EXOC4: variants seen among roughly 807,000 people sequenced by gnomAD.
EXOC4 encodes the protein exocyst complex component 4.
In EXOC4, 71 loss-of-function variants were observed where a neutral mutation model predicts 107.2. That is an observed-to-expected ratio of 0.66 (90% CI 0.55 to 0.81). The LOEUF is 0.81. Among genes scored for constraint, EXOC4 ranks in the 30% least tolerant of loss-of-function variants. The pLI, the probability that EXOC4 is intolerant of heterozygous loss-of-function variation, is 0.00. For missense variants in EXOC4, 1,108 were observed against 1,189.6 expected (o/e 0.93, Z 1.01); for synonymous variants, 456 against 441.2 (o/e 1.03, Z -0.42).
At chr7:134,068,890 G>A (rs1434356046), downstream of EXOC4, among the ~76,000 whole-genome samples, 1 of 152,178 alleles carries the variant, frequency 6.6e-6, no homozygotes, top group African/African-American at 2.4e-5. Context: ...CATTCATTCA[G>A]TCAGTCAAAT....
At chr7:133,932,893 A>AT (rs1289622345) in intron 13 of EXOC4, among the ~76,000 whole-genome samples, 1 of 149,158 alleles carries the variant, frequency 6.7e-6, no homozygotes, top group Non-Finnish European at 1.5e-5. Flanking sequence ...GTGATGAAAG[A>AT]TTTGGGGAAT....
At chr7:133,859,402 G>A (rs1798485790) in intron 11 of EXOC4, among the ~76,000 whole-genome samples, 1 of 152,270 alleles carries the variant, frequency 6.6e-6, no homozygotes, top group Admixed American at 6.5e-5. Flanking sequence ...GGAGCCACTG[G>A]TTCCCGCTGG....
intron 11 of EXOC4, among the ~76,000 whole-genome samples, chr7:133,879,081 T>C (rs1401202690): frequency 1.3e-5 from 2 of 152,132 alleles, no homozygotes; most frequent in African/African-American, 4.8e-5. Context: ...TCAGTTGTTT[T>C]ATTAGGGGCC....
chr7:133,782,822 A>G (rs1435293181), intron 10 of EXOC4, among the ~76,000 whole-genome samples: 7 of 152,196 alleles, frequency 4.6e-5, no homozygotes, highest in Non-Finnish European at 4.4e-5. Context: ...ATTGTGAGGC[A>G]TGTATGGAAA....
chr7:133,719,708 C>T (rs959412539), intron 10 of EXOC4, among the ~76,000 whole-genome samples: 2 of 152,038 alleles, frequency 1.3e-5, no homozygotes, highest in Non-Finnish European at 2.9e-5. Context: ...TGGCATTTCT[C>T]TGAAGTGAGT....
chr7:133,375,748 G>T (rs567455693), intron 7 of EXOC4, among the ~76,000 whole-genome samples: 1 of 152,114 alleles, frequency 6.6e-6, no homozygotes, highest in Non-Finnish European at 1.5e-5. Flanking sequence ...GATGAGAATA[G>T]ATCTGTGAGG....
intron 13 of EXOC4, among the ~76,000 whole-genome samples, chr7:133,937,012 G>A (rs1354542827): frequency 6.6e-6 from 1 of 152,312 alleles, no homozygotes; most frequent in South Asian, 2.1e-4. Flanking sequence ...AGGAAAGAGA[G>A]CTGTGGAAAT....
intron 9 of EXOC4, among the ~76,000 whole-genome samples, chr7:133,497,264 C>T (rs748924269): frequency 3.9e-5 from 6 of 152,078 alleles, no homozygotes; most frequent in Non-Finnish European, 8.8e-5. Context: ...GTGAGATCAT[C>T]AATTTTTGTT....
chr7:133,796,345 TA>T (rs1176455435), intron 10 of EXOC4, among the ~76,000 whole-genome samples: 3 of 152,178 alleles, frequency 2.0e-5, no homozygotes, highest in Non-Finnish European at 4.4e-5. Context: ...CTGGTGGAAA[TA>T]GGGCCAGAGA....
At chr7:133,998,392 C>T (rs1186078235) in intron 15 of EXOC4, among the ~76,000 whole-genome samples, 5 of 152,134 alleles carry the variant, frequency 3.3e-5, no homozygotes, top group Admixed American at 2.6e-4. Context: ...GGATTCTTTT[C>T]TTTAAGATAA....
intron 10 of EXOC4, among the ~76,000 whole-genome samples, chr7:133,699,783 G>A (rs1179060116): frequency 1.3e-5 from 2 of 152,132 alleles, no homozygotes; most frequent in Admixed American, 6.5e-5. Flanking sequence ...ACCATCTGTG[G>A]GAGGTCCCAT....
intron 1 of EXOC4, among the ~76,000 whole-genome samples, chr7:133,272,677 A>G (rs544610015): frequency 6.6e-6 from 1 of 152,282 alleles, no homozygotes; most frequent in Admixed American, 6.5e-5. Context: ...CCTAGTTTAC[A>G]TCAAGAGGAT....
In EXOC4 at chr7:133,634,655, A is replaced by G. The variant is rs980382289; in HGVS notation, c.1514+4514A>G. On this transcript the variant is annotated intron_variant, in intron 10 of 17. Coordinates refer to ENST00000253861, the MANE Select transcript of EXOC4 (RefSeq NM_021807.4). ...CAGGCATGCGCCACCATGCCCGGCTAATATGTTTTAGTAGAGACAGGGATT... is the reference window on the plus strand; with the variant it reads ...CAGGCATGCGCCACCATGCCCGGCTGATATGTTTTAGTAGAGACAGGGATT... 2.0e-5 allele frequency among the ~76,000 whole-genome samples: 3 copies of G among 151,998 alleles called. No homozygotes were observed. In the East Asian group the frequency reaches 5.8e-4, roughly 29 times the overall value.
At chr7:133,946,672 G>A (rs1251919717) in intron 14 of EXOC4, among the ~76,000 whole-genome samples, 2 of 152,166 alleles carry the variant, frequency 1.3e-5, no homozygotes, top group African/African-American at 4.8e-5. Context: ...TGAAATCTAC[G>A]TTATTACTAG....
intron 7 of EXOC4, among the ~76,000 whole-genome samples, chr7:133,468,078 A>G (rs1308067250): frequency 6.6e-6 from 1 of 152,192 alleles, no homozygotes; most frequent in Non-Finnish European, 1.5e-5. Context: ...TTTGGAAGCT[A>G]TTAAACTGGG....
chr7:133,943,789 A>C (rs148313210), intron 14 of EXOC4, among the ~76,000 whole-genome samples: 1 of 152,168 alleles, frequency 6.6e-6, no homozygotes, highest in Admixed American at 6.5e-5. Flanking sequence ...GAAATGTTCA[A>C]GTCAGCCAAT....
intron 6 of EXOC4, among the ~76,000 whole-genome samples, chr7:133,358,184 T>C (rs188176656): frequency 3.3e-5 from 5 of 152,098 alleles, no homozygotes; most frequent in Admixed American, 3.3e-4. Context: ...AAACTTCATC[T>C]CAAACAAACA....
intron 11 of EXOC4, among the ~76,000 whole-genome samples, chr7:133,829,327 G>A (rs904683152): frequency 6.6e-5 from 10 of 152,176 alleles, no homozygotes; most frequent in African/African-American, 2.2e-4. Flanking sequence ...GAAGGTGCAT[G>A]TTCAAATGGA....
intron 11 of EXOC4, among the ~76,000 whole-genome samples, chr7:133,870,960 G>A (rs1018750045): frequency 3.9e-5 from 6 of 152,148 alleles, no homozygotes; most frequent in African/African-American, 1.4e-4. Flanking sequence ...AGAGGTACTC[G>A]GTAGTCGTAC....
Sources: allele counts gnomAD v4.1 joint callset (sites outside exome capture counted in the v4.1 genomes callset), GRCh38; gene constraint gnomAD v4.1.1; transcripts MANE v1.5; gene names NCBI Gene and HGNC (gene_info 2026-07-23, HGNC 2026-07-21).